The following LSAMP variants were observed in gnomAD, a reference collection of about 807,000 sequenced individuals.
LSAMP encodes the protein limbic system associated membrane protein, also known as limbic system-associated membrane protein.
Under a neutral mutation model 38.6 loss-of-function variants are expected in LSAMP, and 7 were observed. The ratio of observed to expected loss-of-function variants is 0.18; its 90% CI spans 0.10 to 0.34. The LOEUF (loss-of-function observed/expected upper bound fraction) is 0.34. Among genes scored for constraint, LSAMP ranks in the 10% least tolerant of loss-of-function variants. The pLI, the probability that LSAMP is intolerant of heterozygous loss-of-function variation, is 1.00. For synonymous variants in LSAMP, 154 were observed against 166.8 expected (o/e 0.92, Z 0.59); for missense variants, 313 against 420.0 (o/e 0.75, Z 2.23).
intron 3 of LSAMP, among the ~76,000 whole-genome samples, chr3:115,906,156 C>A (rs149987521): frequency 4.9e-4 from 74 of 152,262 alleles, no homozygotes; most frequent in African/African-American, 1.6e-3. Context: ...CACACTATGG[C>A]TCTCTTCTTC....
intron 3 of LSAMP, among the ~76,000 whole-genome samples, chr3:115,937,961 A>G (rs1041770576): frequency 3.3e-5 from 5 of 152,186 alleles, no homozygotes; most frequent in African/African-American, 1.2e-4. Context: ...CTGTTGAAAT[A>G]TATGTGTGGA....
chr3:115,842,068 G>T, intron 5 of LSAMP, 75 bp from the exon 6 acceptor site: 1 of 1,431,892 alleles, frequency 7.0e-7, no homozygotes, highest in Non-Finnish European at 9.5e-7. Context: ...TCCCCATCCT[G>T]ACACTGGAGG....
chr3:115,867,770 T>G (rs1444397617), intron 3 of LSAMP, among the ~76,000 whole-genome samples: 3 of 152,128 alleles, frequency 2.0e-5, no homozygotes, highest in South Asian at 2.1e-4. Flanking sequence ...AGATTTGTTT[T>G]GGTTGGTTGA....
At chr3:115,991,033 T>C (rs1362939507) in intron 3 of LSAMP, among the ~76,000 whole-genome samples, 1 of 152,052 alleles carries the variant, frequency 6.6e-6, no homozygotes, top group Non-Finnish European at 1.5e-5. Flanking sequence ...AAAACATTAA[T>C]AAAATGGTTT....
chr3:116,304,186 C>A (rs2047451995), intron 1 of LSAMP, among the ~76,000 whole-genome samples: 1 of 151,920 alleles, frequency 6.6e-6, no homozygotes, highest in Admixed American at 6.6e-5. Context: ...TGTGTGCCCT[C>A]AAGGAGTTAA....
At chr3:116,366,837 AT>A (rs1163281263) in intron 1 of LSAMP, among the ~76,000 whole-genome samples, 8 of 152,006 alleles carry the variant, frequency 5.3e-5, no homozygotes, top group African/African-American at 1.7e-4. Context: ...ATTTAATAAT[AT>A]TTTCTCAGTC....
chr3:116,153,136 A>G (rs918693931), intron 1 of LSAMP, among the ~76,000 whole-genome samples: 1 of 152,152 alleles, frequency 6.6e-6, no homozygotes, highest in African/African-American at 2.4e-5. Context: ...ATTTGCCTCA[A>G]AAAAGAAAAA....
chr3:116,322,222 C>T (rs2047715413), intron 1 of LSAMP, among the ~76,000 whole-genome samples: 1 of 152,156 alleles, frequency 6.6e-6, no homozygotes, highest in Admixed American at 6.5e-5. Context: ...CAGTAACATC[C>T]TACACTAGCT....
intron 1 of LSAMP, among the ~76,000 whole-genome samples, chr3:116,281,892 A>G (rs557094314): frequency 2.0e-5 from 3 of 152,228 alleles, no homozygotes; most frequent in Non-Finnish European, 4.4e-5. Flanking sequence ...CTTGAGAGGT[A>G]CCAATCTGAA....
At chr3:116,054,214 TG>T (rs1290980585) in intron 2 of LSAMP, among the ~76,000 whole-genome samples, 1 of 152,232 alleles carries the variant, frequency 6.6e-6, no homozygotes, top group East Asian at 1.9e-4. Flanking sequence ...ATTTTGACTC[TG>T]AAGCTATGTT....
At chr3:116,371,496 C>T (rs1383334527) in intron 1 of LSAMP, among the ~76,000 whole-genome samples, 1 of 151,904 alleles carries the variant, frequency 6.6e-6, no homozygotes, top group Admixed American at 6.6e-5. Flanking sequence ...CCTTTTACAA[C>T]AAAAACAATC....
At chr3:116,337,831 C>T (rs11923436) in intron 1 of LSAMP, among the ~76,000 whole-genome samples, 6,991 of 152,092 alleles carry the variant, frequency 0.046, 545 homozygotes, top group African/African-American at 0.16. Context: ...ATTACAAATT[C>T]TGATTCTAGG....
intron 1 of LSAMP, among the ~76,000 whole-genome samples, chr3:116,139,653 G>C (rs191435467): frequency 6.6e-6 from 1 of 151,894 alleles, no homozygotes; most frequent in East Asian, 1.9e-4. Flanking sequence ...TCAACCTAGG[G>C]GCCTTTATTT....
chr3:115,945,018 AT>A (rs930820821), intron 3 of LSAMP, among the ~76,000 whole-genome samples: 5 of 151,644 alleles, frequency 3.3e-5, no homozygotes, highest in Non-Finnish European at 5.9e-5. Flanking sequence ...GCTTATTCTA[AT>A]TTTTTTTCCT....
intron 1 of LSAMP, among the ~76,000 whole-genome samples, chr3:116,341,854 C>G (rs2047999558): frequency 6.6e-6 from 1 of 151,740 alleles, no homozygotes; most frequent in Non-Finnish European, 1.5e-5. Context: ...GAGAATAGCA[C>G]TGAAATGATG....
At chr3:115,931,645 T>A (rs1470692556) in intron 3 of LSAMP, among the ~76,000 whole-genome samples, 1 of 152,172 alleles carries the variant, frequency 6.6e-6, no homozygotes, top group Non-Finnish European at 1.5e-5. Flanking sequence ...AATGTTTAAA[T>A]TGATTTCAGG....
chr3:116,159,321 C>A (rs774841795), intron 1 of LSAMP, among the ~76,000 whole-genome samples: 5 of 152,038 alleles, frequency 3.3e-5, no homozygotes, highest in Admixed American at 6.6e-5. Context: ...AACAGACAAC[C>A]TATAGAATGG....
At chr3:116,027,609 C>T (rs1456305609) in intron 2 of LSAMP, among the ~76,000 whole-genome samples, 1 of 152,172 alleles carries the variant, frequency 6.6e-6, no homozygotes. Flanking sequence ...GTTGTCATCT[C>T]TGCCTAGATA....
At chr3:116,430,701 T>A (rs967868020) in intron 1 of LSAMP, among the ~76,000 whole-genome samples, 1 of 152,022 alleles carries the variant, frequency 6.6e-6, no homozygotes, top group African/African-American at 2.4e-5. Flanking sequence ...ATTTTTATTT[T>A]ATAAAGAACC....
Sources: allele counts gnomAD v4.1 joint callset (sites outside exome capture counted in the v4.1 genomes callset), GRCh38; gene constraint gnomAD v4.1.1; transcripts MANE v1.5; gene names NCBI Gene and HGNC (gene_info 2026-07-23, HGNC 2026-07-21).